HAGH: variants seen among roughly 807,000 people sequenced by gnomAD.
The protein encoded by HAGH is hydroxyacylglutathione hydrolase, also known as hydroxyacylglutathione hydrolase, mitochondrial.
HAGH carries 29 observed loss-of-function variants against 35.1 expected under a neutral mutation model. The observed-to-expected ratio is 0.83, with a 90% CI of 0.62 to 1.13. The LOEUF (loss-of-function observed/expected upper bound fraction) is 1.13, where lower values mean the gene tolerates loss of function less well. Among genes scored for constraint, HAGH ranks in the 50% most tolerant of loss-of-function variants. The pLI is 0.00. For synonymous variants in HAGH, 225 were observed against 176.1 expected, an observed-to-expected ratio of 1.28 and a Z score of -2.20; for missense variants, 478 against 419.6, an observed-to-expected ratio of 1.14 and a Z score of -1.22.
chr16:1,822,077 G>A, intron 3 of HAGH: 1 of 568,644 alleles, frequency 1.8e-6, no homozygotes, highest in African/African-American at 1.9e-5. Context: ...TGAGGGTAAG[G>A]CTGTAACCTT....
chr16:1,821,989 C>A, intron 3 of HAGH: 2 of 292,842 alleles, frequency 6.8e-6, no homozygotes, highest in Non-Finnish European at 6.5e-6. Context: ...CCTGTAGACT[C>A]ATTTCCTCCC....
chr16:1,820,071 AGCTGAGGG>A, intron 3 of HAGH, 57 bp from the exon 4 acceptor site: 1 of 925,338 alleles, frequency 1.1e-6, no homozygotes, highest in Non-Finnish European at 1.8e-6. Context: ...CTGCCTGCTG[AGCTGAGGG>A]GGCTGCCTGC....
chr16:1,819,612 C>T (rs888476670), intron 4 of HAGH, among the ~76,000 whole-genome samples: 1 of 152,228 alleles, frequency 6.6e-6, no homozygotes, highest in African/African-American at 2.4e-5. Flanking sequence ...GACACCCTCG[C>T]AGGGCCCTCC....
chr16:1,821,814 G>A (rs574713349), intron 3 of HAGH: 3 of 152,632 alleles, frequency 2.0e-5, no homozygotes, highest in East Asian at 1.9e-4. Context: ...TTGTATTTTC[G>A]GTAGAGACTG....
intron 2 of HAGH, 21 bp from the exon 3 acceptor site, chr16:1,822,385 G>A (rs369057715): frequency 1.3e-6 from 2 of 1,587,498 alleles, no homozygotes; most frequent in African/African-American, 2.7e-5. Context: ...CCCGGGGAAG[G>A]ACAAAGGCCT....
intron 1 of HAGH, among the ~76,000 whole-genome samples, chr16:1,823,486 C>G (rs1460499371): frequency 6.6e-6 from 1 of 151,814 alleles, no homozygotes; most frequent in Non-Finnish European, 1.5e-5. Context: ...CCAGGATGGT[C>G]TCGATCTCCT....
chr16:1,826,575 T>G, intron 1 of HAGH, 137 bp downstream of exon 1: 1 of 979,820 alleles, frequency 1.0e-6, no homozygotes, highest in Non-Finnish European at 1.2e-6. Flanking sequence ...CCGCCTCCGC[T>G]CGAGCCCGGC....
intron 7 of HAGH, chr16:1,810,170 T>C: frequency 3.7e-6 from 1 of 267,804 alleles, no homozygotes. Context: ...AAAAAATGCT[T>C]CAGAACACCT....
chr16:1,816,990 ACT>A lies in HAGH; in HGVS notation c.648_649del (p.Arg216SerfsTer70), dbSNP rs760228418. ...GATGGTGTACTCGTGGCCACAGTAG[ACT>A]CTCTGAGGAGAGAGGTGACAGGTGA... On this transcript the variant is annotated frameshift_variant and splice_region_variant, in exon 7 of 9. Coordinates refer to ENST00000397356, the MANE Select transcript of HAGH (RefSeq NM_005326.6). LOFTEE classifies it high-confidence loss of function. The A allele has an allele frequency of 7.5e-6, 12 of 1,606,182 alleles. No individual in the cohort carries two copies. The highest frequency in any genetic ancestry group is 5.5e-5 in the South Asian group (5 of 90,944).
chr16:1,822,787 C>T (rs766534427), intron 2 of HAGH, 78 bp downstream of exon 2: 21 of 1,228,678 alleles, frequency 1.7e-5, no homozygotes, highest in East Asian at 9.4e-5. Flanking sequence ...AAGGACACTG[C>T]GGTTAGGAAA....
At chr16:1,813,640 G>A (rs181779850) in intron 7 of HAGH, among the ~76,000 whole-genome samples, 69 of 152,300 alleles carry the variant, frequency 4.5e-4, no homozygotes, top group African/African-American at 1.7e-3. Context: ...CGCAATTCTC[G>A]CCACATCAGT....
chr16:1,817,024 A>G (rs1897929415), intron 6 of HAGH, 30 bp from the exon 7 acceptor site: 1 of 1,511,424 alleles, frequency 6.6e-7, no homozygotes, highest in Non-Finnish European at 9.2e-7. Context: ...GTGAGCTCGG[A>G]AGGCTGTTAC....
intron 3 of HAGH, among the ~76,000 whole-genome samples, chr16:1,820,512 G>A (rs1012293132): frequency 9.2e-5 from 14 of 152,190 alleles, no homozygotes; most frequent in Admixed American, 9.2e-4. Flanking sequence ...TCACCTGGGT[G>A]CGTCTGGGAT....
chr16:1,809,477 G>A (rs118097552), intron 8 of HAGH, 95 bp from the exon 9 acceptor site: 2 of 1,006,010 alleles, frequency 2.0e-6, no homozygotes, highest in African/African-American at 3.2e-5. Flanking sequence ...TGCTGGCCGA[G>A]CCCAGCCCTC....
intron 8 of HAGH, 158 bp downstream of exon 8, chr16:1,809,595 AC>A (rs1169388404): frequency 7.1e-6 from 5 of 699,920 alleles, no homozygotes; most frequent in East Asian, 2.5e-5. Flanking sequence ...GAAAGGCCGG[AC>A]CCCCCTCAAG....
chr16:1,818,851 G>C, intron 5 of HAGH: 1 of 469,072 alleles, frequency 2.1e-6, no homozygotes, highest in Non-Finnish European at 3.9e-6. Flanking sequence ...CTCCTTTCCC[G>C]TGGGACCCGC....
At chr16:1,826,210 C>T (rs908384371) in intron 1 of HAGH, among the ~76,000 whole-genome samples, 1 of 151,924 alleles carries the variant, frequency 6.6e-6, no homozygotes, top group African/African-American at 2.4e-5. Context: ...TGGCCTGGCC[C>T]GGCCGCGCGA....
chr16:1,811,627 C>T lies in HAGH; in HGVS notation c.748-1794G>A, dbSNP rs547874683. ...ACTTGGGAGGCTGAGGCAGGAGAAT[C>T]GCTTGAACCCGGGAGGCGGAGGCTG... On this transcript the variant is annotated intron_variant, in intron 7 of 8. Transcript: ENST00000397356. 1.1e-3 allele frequency among the ~76,000 whole-genome samples: 166 copies of T among 152,172 alleles called. 1 individual carries two copies. The highest frequency in any genetic ancestry group is 2.1e-3 in the Non-Finnish European group (144 of 68,010).
intron 7 of HAGH, among the ~76,000 whole-genome samples, chr16:1,816,039 C>G (rs1478693150): frequency 1.5e-5 from 2 of 136,484 alleles, no homozygotes; most frequent in Non-Finnish European, 3.0e-5. Flanking sequence ...CTCCTGGGTT[C>G]AAGCGATTCT....
Sources: allele counts gnomAD v4.1 joint callset (sites outside exome capture counted in the v4.1 genomes callset), GRCh38; gene constraint gnomAD v4.1.1; transcripts MANE v1.5; gene names NCBI Gene and HGNC (gene_info 2026-07-23, HGNC 2026-07-21).